Variants in ASXL3 observed in about 807,000 individuals in gnomAD.
ASXL3 encodes ASXL transcriptional regulator 3.
A neutral mutation model predicts 170.6 loss-of-function variants in ASXL3; 34 were observed. The observed-to-expected ratio is 0.20, with a 90% CI of 0.15 to 0.27. The LOEUF is 0.27. Ranked by LOEUF, ASXL3 falls within the 10% of genes least tolerant of loss-of-function variation. The probability of loss-of-function intolerance (pLI) is 1.00; values close to 1 mark genes in which losing one functional copy is unlikely to be tolerated. For missense variants in ASXL3, 2,592 were observed against 2,695.3 expected, an observed-to-expected ratio of 0.96 and a Z score of 0.85; for synonymous variants, 1,002 against 989.1, an observed-to-expected ratio of 1.01 and a Z score of -0.24.
Position 33,590,271 on chromosome 18 carries a change from C to T in ASXL3, c.54+11586C>T, listed in dbSNP as rs542288858. On this transcript the variant is annotated intron_variant, in intron 1 of 11. Coordinates refer to ENST00000269197, the MANE Select transcript of ASXL3 (RefSeq NM_030632.3). ...TAAAGACAATCTCAGTCTCTTTTCC[C>T]CTCCCCAGGCCATATCTCTCTCTTA... Among the ~76,000 whole-genome samples, 10 of 151,888 alleles carry T rather than the reference C, an allele frequency of 6.6e-5. No homozygotes were observed. In the South Asian group the frequency reaches 1.0e-3, roughly 16 times the overall value.
In ASXL3 at chr18:33,639,404, A is replaced by T. The variant is rs2065814887; in HGVS notation, c.138-5490A>T. Among the ~76,000 whole-genome samples the T allele has an allele frequency of 2.0e-5, 3 of 152,034 alleles. No homozygotes were observed. The South Asian group carries it at 6.2e-4, about 32-fold the overall frequency. On this transcript the variant is annotated intron_variant, in intron 2 of 11. Transcript: ENST00000269197. Reference sequence around the variant, plus strand: ...CGCCACCGCCCTCCCCAGCATAGGGATGGTAATATAGCATGTCATGGCATG... The same window carrying T: ...CGCCACCGCCCTCCCCAGCATAGGGTTGGTAATATAGCATGTCATGGCATG...
At chr18:33,638,850 A>G (rs961965670) in intron 2 of ASXL3, among the ~76,000 whole-genome samples, 12 of 152,138 alleles carry the variant, frequency 7.9e-5, no homozygotes, top group African/African-American at 2.9e-4. Flanking sequence ...AGCTATAGTA[A>G]TAGATGTGTT....
intron 8 of ASXL3, among the ~76,000 whole-genome samples, chr18:33,687,608 T>C (rs754588796): frequency 2.6e-5 from 4 of 152,188 alleles, no homozygotes; most frequent in African/African-American, 9.6e-5. Flanking sequence ...CCTCAAAATA[T>C]GGGAGCTGAG....
chr18:33,737,624 A>G (rs76532330), intron 10 of ASXL3, among the ~76,000 whole-genome samples: 2,266 of 152,266 alleles, frequency 0.015, 56 homozygotes, highest in African/African-American at 0.051. Context: ...AGAGATCTGC[A>G]TAAAAGAATT....
chr18:33,709,783 T>A (rs552362857), intron 8 of ASXL3, among the ~76,000 whole-genome samples: 1 of 152,296 alleles, frequency 6.6e-6, no homozygotes, highest in South Asian at 2.1e-4. Flanking sequence ...TGTGCAAAAA[T>A]TAAAGAAAAT....
intron 8 of ASXL3, among the ~76,000 whole-genome samples, chr18:33,721,649 T>A (rs1179420932): frequency 6.6e-6 from 1 of 152,116 alleles, no homozygotes; most frequent in African/African-American, 2.4e-5. Flanking sequence ...GCTGCTTTGT[T>A]CGGTAATATT....
At chr18:33,669,955 T>G (rs2066314049) in intron 5 of ASXL3, among the ~76,000 whole-genome samples, 2 of 152,226 alleles carry the variant, frequency 1.3e-5, no homozygotes, top group African/African-American at 4.8e-5. Context: ...ATCACCGTGG[T>G]CGATTCATTT....
chr18:33,596,173 T>C (rs1482691734), intron 1 of ASXL3, among the ~76,000 whole-genome samples: 1 of 152,202 alleles, frequency 6.6e-6, no homozygotes, highest in Non-Finnish European at 1.5e-5. Context: ...GTCATTTCTA[T>C]GTAGAGTAGA....
chr18:33,745,818 A>T lies in ASXL3; in HGVS notation c.5970A>T (p.Leu1990Phe). Residue 1990 changes from leucine to phenylalanine, a missense_variant, in exon 12 of 12, where the codon TTA (leucine) becomes TTT (phenylalanine). Physicochemically the swap from Leu to Phe is conservative, Grantham distance 22 (BLOSUM62 0). Coordinates refer to ENST00000269197, the MANE Select transcript of ASXL3 (RefSeq NM_030632.3). ...APHQLRLANM[L>F]SPNMPMKEGD... The stretch of plus-strand genomic sequence containing the variant: ...ACCAGCTAAGGTTAGCCAACATGTT[A>T]TCCCCCAATATGCCCATGAAAGAAG... 1.2e-6 allele frequency: 2 copies of T among 1,613,938 alleles called. No homozygotes were observed. The highest frequency in any genetic ancestry group is 8.5e-7 in the Non-Finnish European group (1 of 1,179,876).
At position 33,739,463 on chromosome 18, in the gene ASXL3, C is replaced by A. The variant is rs758628334; in HGVS notation, c.2059C>A (p.Pro687Thr). 2.2e-5 allele frequency: 36 copies of A among 1,613,850 alleles called. No homozygotes were observed. In the African/African-American group the frequency reaches 4.3e-4, roughly 19 times the overall value. Reference protein sequence around the residue: ...MSEISPISTSPEISEASLMSN... With the variant: ...MSEISPISTSTEISEASLMSN... ...AGAAATATCTCCAATATCCACTTCA[C>A]CTGAAATATCAGAAGCATCTCTTAT... The change falls in exon 11 of 12, where the codon CCT becomes ACT. Residue 687 changes from proline to threonine, a missense_variant. Coordinates refer to ENST00000269197, the MANE Select transcript of ASXL3 (RefSeq NM_030632.3).
intron 8 of ASXL3, among the ~76,000 whole-genome samples, chr18:33,684,431 T>C (rs2066560696): frequency 6.6e-6 from 1 of 152,166 alleles, no homozygotes; most frequent in African/African-American, 2.4e-5. Flanking sequence ...TTTCTTAGCT[T>C]TTTATTTGCT....
chr18:33,661,838 A>T (rs1362749504), intron 5 of ASXL3, 101 bp downstream of exon 5: 1,806 of 1,289,484 alleles, frequency 1.4e-3, no homozygotes, highest in Non-Finnish European at 1.8e-3. Flanking sequence ...ATCAGAAAGC[A>T]GAATCTTCCT....
At chr18:33,599,857 G>C (rs1385828411) in intron 1 of ASXL3, among the ~76,000 whole-genome samples, 1 of 151,938 alleles carries the variant, frequency 6.6e-6, no homozygotes, top group Middle Eastern at 3.2e-3. Context: ...ACAGAGCTGT[G>C]GGTGCAATTT....
chr18:33,688,493 A>G (rs1254831471), intron 8 of ASXL3, among the ~76,000 whole-genome samples: 3 of 152,214 alleles, frequency 2.0e-5, no homozygotes, highest in Non-Finnish European at 4.4e-5. Flanking sequence ...ATATACATAG[A>G]TTACTGTGTC....
chr18:33,725,077 G>A (rs1367181601), intron 8 of ASXL3, among the ~76,000 whole-genome samples: 1 of 152,076 alleles, frequency 6.6e-6, no homozygotes, highest in Non-Finnish European at 1.5e-5. Flanking sequence ...CAATACTCTG[G>A]CTTTTATTCG....
At chr18:33,682,120 T>C (rs2066524663) in intron 7 of ASXL3, among the ~76,000 whole-genome samples, 1 of 152,212 alleles carries the variant, frequency 6.6e-6, no homozygotes, top group Non-Finnish European at 1.5e-5. Flanking sequence ...AGCGAGTAAA[T>C]ACTATAGGCT....
chr18:33,689,728 G>A (rs72947403), intron 8 of ASXL3, among the ~76,000 whole-genome samples: 6,949 of 152,270 alleles, frequency 0.046, 204 homozygotes, highest in South Asian at 0.084. Context: ...TTGTATTAAA[G>A]TGTATTTGTC....
At chr18:33,656,961 G>T (rs1291042547) in intron 4 of ASXL3, among the ~76,000 whole-genome samples, 1 of 152,004 alleles carries the variant, frequency 6.6e-6, no homozygotes, top group Non-Finnish European at 1.5e-5. Flanking sequence ...TTTAAAATTT[G>T]ATTTTTAAAA....
At chr18:33,607,934 A>G (rs1227948575) in intron 2 of ASXL3, among the ~76,000 whole-genome samples, 1 of 151,964 alleles carries the variant, frequency 6.6e-6, no homozygotes, top group Non-Finnish European at 1.5e-5. Context: ...TTAGCCCCTC[A>G]TTGAAGTTAT....
Sources: allele counts gnomAD v4.1 joint callset (sites outside exome capture counted in the v4.1 genomes callset), GRCh38; gene constraint gnomAD v4.1.1; transcripts MANE v1.5; gene names NCBI Gene and HGNC (gene_info 2026-07-23, HGNC 2026-07-21).